The following PDE11A variants were observed in gnomAD, a reference collection of about 807,000 sequenced individuals.
PDE11A encodes dual 3',5'-cyclic-AMP and -GMP phosphodiesterase 11A.
PDE11A carries 100 observed loss-of-function variants against 100.5 expected under a neutral mutation model. That is an observed-to-expected ratio of 1.00 (90% CI 0.85 to 1.18). PDE11A has a LOEUF of 1.18. Among genes scored for constraint, PDE11A ranks in the 50% most tolerant of loss-of-function variants. PDE11A has a pLI of 0.00. For missense variants in PDE11A, 1,141 were observed against 1,152.6 expected (o/e 0.99, Z 0.15); for synonymous variants, 381 against 420.8 (o/e 0.91, Z 1.16).
intron 2 of PDE11A, among the ~76,000 whole-genome samples, chr2:177,957,420 CACAAA>C (rs778116406): frequency 2.0e-4 from 31 of 152,206 alleles, no homozygotes; most frequent in Admixed American, 4.6e-4. Flanking sequence ...AAAACAACAA[CACAAA>C]ACAAAACAAA....
chr2:177,634,944 C>T lies in PDE11A; in HGVS notation c.2647-5382G>A, dbSNP rs544168306. On this transcript the variant is annotated intron_variant, in intron 19 of 19. Coordinates refer to ENST00000286063, the MANE Select transcript of PDE11A (RefSeq NM_016953.4). ...CCTCAGTGAAAGAGAAGGGGGGAAA[C>T]TTAGCACCCATCTGATCACTCTCCA... Among the ~76,000 whole-genome samples, 14 of 152,238 alleles carry T rather than the reference C, an allele frequency of 9.2e-5. No individual in the cohort carries two copies. In the Middle Eastern group the frequency reaches 0.01, roughly 111 times the overall value.
In PDE11A at chr2:177,728,043, A is replaced by G; in HGVS notation, c.1918T>C (p.Phe640Leu). Residue 640 changes from phenylalanine to leucine, a missense_variant, in exon 11 of 20, where the codon TTT (phenylalanine) becomes CTT (leucine). Physicochemically the swap from Phe to Leu is conservative, Grantham distance 22. Transcript: ENST00000286063. ...CATCTTACCTCATAGTCAATTTTAA[A>G]TTTCTGTACCATCCCCAGCTCCATG... is the stretch of plus-strand genomic sequence containing the variant. The part of the protein sequence containing the change: ...MFMELGMVQK[F>L]KIDYETLCRW... 13 of 1,613,302 alleles carry G rather than the reference A, an allele frequency of 8.1e-6. No homozygotes were observed. Among genetic ancestry groups the G allele is most frequent in the Non-Finnish European group, 1.1e-5 (13 of 1,179,512 alleles).
intron 10 of PDE11A, among the ~76,000 whole-genome samples, chr2:177,737,558 G>T (rs1359680545): frequency 6.7e-6 from 1 of 149,984 alleles, no homozygotes; most frequent in East Asian, 2.0e-4. Flanking sequence ...CTGAGATCAC[G>T]CCACTGCACT....
At chr2:177,722,293 T>C (rs778797255) in intron 12 of PDE11A, among the ~76,000 whole-genome samples, 1 of 152,112 alleles carries the variant, frequency 6.6e-6, no homozygotes, top group Non-Finnish European at 1.5e-5. Context: ...CTAAGAAAAA[T>C]ACCCAGCTCT....
chr2:177,655,752 C>T (rs1404698212), intron 19 of PDE11A, among the ~76,000 whole-genome samples: 1 of 152,096 alleles, frequency 6.6e-6, no homozygotes, highest in Non-Finnish European at 1.5e-5. Context: ...TACTTTTAGA[C>T]ACTACAGGAT....
intron 2 of PDE11A, among the ~76,000 whole-genome samples, chr2:177,951,778 G>T (rs533149155): frequency 1.8e-4 from 28 of 152,174 alleles, no homozygotes; most frequent in Middle Eastern, 3.2e-3. Flanking sequence ...GTAAACCCCA[G>T]AGGAAGATAT....
chr2:177,918,696 C>T (rs2084990289), intron 2 of PDE11A, among the ~76,000 whole-genome samples: 1 of 152,092 alleles, frequency 6.6e-6, no homozygotes, highest in Non-Finnish European at 1.5e-5. Context: ...TTGCCATAAT[C>T]TCAAACTTAA....
rs1309072342 is a variant in PDE11A, at chr2:177,625,693, A to G, written c.*3714T>C. 6.6e-6 allele frequency: 1 copy of G among 152,280 alleles called. No homozygotes were observed. The highest frequency in any genetic ancestry group is 1.9e-4 in the East Asian group (1 of 5,204). 9.4% of individuals were successfully genotyped at this position (152,280 alleles called of 1,614,324 possible). On this transcript the variant is annotated 3_prime_UTR_variant, in exon 20 of 20. Transcript: ENST00000286063. ...AAATGTCTTTCTCCAATAGGAAATA[A>G]ACATTAATAATAAGGACTGGGAAAC...
At chr2:177,754,062 G>A (rs539510910) in intron 10 of PDE11A, among the ~76,000 whole-genome samples, 1 of 151,720 alleles carries the variant, frequency 6.6e-6, no homozygotes. Flanking sequence ...GTTGCTGGGT[G>A]ACTGCGAATA....
chr2:178,076,068 G>A (rs540606726), upstream of PDE11A, among the ~76,000 whole-genome samples: 2 of 152,212 alleles, frequency 1.3e-5, no homozygotes, highest in South Asian at 4.2e-4. Flanking sequence ...GAAAAGGTGT[G>A]ATATTGTGAA....
intron 10 of PDE11A, among the ~76,000 whole-genome samples, chr2:177,743,227 C>T (rs770683047): frequency 1.3e-5 from 2 of 152,202 alleles, no homozygotes; most frequent in African/African-American, 4.8e-5. Context: ...TACTTATTTT[C>T]TGTTAAACTC....
intron 6 of PDE11A, among the ~76,000 whole-genome samples, chr2:177,834,695 C>T (rs2083364874): frequency 6.6e-6 from 1 of 152,198 alleles, no homozygotes; most frequent in Non-Finnish European, 1.5e-5. Context: ...AAAGGTTTCT[C>T]TCCCTGATGA....
intron 5 of PDE11A, among the ~76,000 whole-genome samples, chr2:177,855,496 C>T (rs574449602): frequency 3.3e-5 from 5 of 151,892 alleles, no homozygotes; most frequent in South Asian, 4.2e-4. Flanking sequence ...TTTTAATTTA[C>T]CTTATTTGCA....
At chr2:177,648,840 C>A (rs2080262107) in intron 19 of PDE11A, among the ~76,000 whole-genome samples, 1 of 151,978 alleles carries the variant, frequency 6.6e-6, no homozygotes, top group Non-Finnish European at 1.5e-5. Context: ...AGATAAATAA[C>A]AAACTTGGAA....
intron 1 of PDE11A, 62 bp from the exon 2 acceptor site, chr2:178,014,522 G>A: frequency 7.3e-7 from 1 of 1,369,246 alleles, no homozygotes; most frequent in Non-Finnish European, 1.0e-6. Context: ...GAAGGAGAGA[G>A]AGGTTTATTT....
chr2:177,884,143 A>G (rs150621705), intron 4 of PDE11A, among the ~76,000 whole-genome samples: 166 of 152,336 alleles, frequency 1.1e-3, no homozygotes, highest in South Asian at 2.1e-4. Context: ...GAGAGTAGCC[A>G]GTAGAGTTGA....
At chr2:177,679,261 G>C (rs1048835585) in intron 16 of PDE11A, among the ~76,000 whole-genome samples, 11 of 152,046 alleles carry the variant, frequency 7.2e-5, no homozygotes, top group Non-Finnish European at 1.6e-4. Flanking sequence ...TGGTATATCT[G>C]TATTTTGGAA....
chr2:177,923,323 T>C (rs2085079349), intron 2 of PDE11A, among the ~76,000 whole-genome samples: 1 of 151,814 alleles, frequency 6.6e-6, no homozygotes, highest in Admixed American at 6.6e-5. Flanking sequence ...ATTGTGCCAC[T>C]GCACTTTAGC....
intron 1 of PDE11A, among the ~76,000 whole-genome samples, chr2:178,061,074 G>T (rs140180571): frequency 0.018 from 2,719 of 150,330 alleles, 51 homozygotes; most frequent in South Asian, 0.044. Context: ...CTCCCAAGTA[G>T]CTGGGACTAC....
Sources: allele counts gnomAD v4.1 joint callset (sites outside exome capture counted in the v4.1 genomes callset), GRCh38; gene constraint gnomAD v4.1.1; transcripts MANE v1.5; gene names NCBI Gene and HGNC (gene_info 2026-07-23, HGNC 2026-07-21).